The following GATM variants were observed in gnomAD, a reference collection of about 807,000 sequenced individuals.
GATM encodes glycine amidinotransferase.
Under a neutral mutation model 54.2 loss-of-function variants are expected in GATM, and 23 were observed. That is an observed-to-expected ratio of 0.42 (90% CI 0.31 to 0.60). GATM has a LOEUF of 0.60. GATM is among the 20% of genes least tolerant of loss of function. The probability of loss-of-function intolerance (pLI) is 0.14; values close to 1 mark genes in which losing one functional copy is unlikely to be tolerated. For synonymous variants in GATM, 168 were observed against 183.1 expected, an observed-to-expected ratio of 0.92 and a Z score of 0.67; for missense variants, 401 against 544.9, an observed-to-expected ratio of 0.74 and a Z score of 2.63.
At position 45,369,418 on chromosome 15, in the gene GATM, C is replaced by T; in HGVS notation, c.392G>A (p.Cys131Tyr). ...KKAVAEIEEM[C>Y]NILKTEGVTV... ...CACTCCTTCCGTTTTTAAAATATTG[C>T]ACATTTCTTCAATTTCAGCAACAGC... is the stretch of plus-strand genomic sequence containing the variant. The change falls in exon 3 of 9, where the codon TGC (cysteine) becomes TAC (tyrosine). Residue 131 changes from cysteine (C) to tyrosine (Y), a missense_variant. By Grantham distance (194) the Cys-to-Tyr change is radical. Around this residue, in one of 3 missense-constraint regions of GATM, gnomAD observed 321 missense variants for 457.5 expected, o/e 0.70. Coordinates refer to ENST00000396659, the MANE Select transcript of GATM (RefSeq NM_001482.3). 1 of 1,614,076 alleles carries T rather than the reference C, an allele frequency of 6.2e-7. No individual in the cohort carries two copies. The highest frequency in any genetic ancestry group is 8.5e-7 in the Non-Finnish European group (1 of 1,179,964).
Position 45,361,279 on chromosome 15 carries a change from C to T in GATM, c.*830G>A, listed in dbSNP as rs1889358487. 6.6e-6 allele frequency: 1 copy of T among 152,028 alleles called. No individual in the cohort carries two copies. The highest frequency in any genetic ancestry group is 2.4e-5 in the African/African-American group (1 of 41,386). 9.4% of individuals were successfully genotyped at this position (152,028 alleles called of 1,614,324 possible). A position where few individuals can be genotyped will look rare whatever the true frequency, so the allele number is the denominator to read the frequency against. On this transcript the variant is annotated 3_prime_UTR_variant, in exon 9 of 9. Coordinates refer to ENST00000396659, the MANE Select transcript of GATM (RefSeq NM_001482.3). ...ATAATTTGCACATTTGTAAACAAAT[C>T]TTAGATGACCAAAGATGCAGTGTAT... is the stretch of plus-strand genomic sequence containing the variant.
At chr15:45,362,954 T>C (rs973380474) in intron 8 of GATM, among the ~76,000 whole-genome samples, 4 of 152,156 alleles carry the variant, frequency 2.6e-5, no homozygotes, top group South Asian at 4.1e-4. Context: ...TCCATTGGTA[T>C]AGCCAGGGAG....
Position 45,368,407 on chromosome 15 carries a change from A to G in GATM, c.485-147T>C. On this transcript the variant is annotated intron_variant, in intron 3 of 8. Coordinates refer to ENST00000396659, the MANE Select transcript of GATM (RefSeq NM_001482.3). The surrounding 1 kb of genome is among the most constrained non-coding windows in gnomAD (Gnocchi z 5.1). ...CGGGCGGATCACTTGATCCTCTTCA[A>G]GAGCAGCCTGGCCAACATGGTCAAG... 4 of 709,378 alleles carry G rather than the reference A, an allele frequency of 5.6e-6. No homozygotes were observed. In the Admixed American group the frequency reaches 8.4e-5, roughly 15 times the overall value. The allele number at this position is 709,378 out of a possible 1,614,324, so 43.9% of individuals were successfully genotyped here. A position where few individuals can be genotyped will look rare whatever the true frequency, so the allele number is the denominator to read the frequency against.
intron 1 of GATM, chr15:45,401,813 G>A (rs1178790156): frequency 6.6e-6 from 1 of 152,356 alleles, no homozygotes; most frequent in East Asian, 1.9e-4. Flanking sequence ...GATTTTAAGC[G>A]CTACCGTGTG....
At chr15:45,391,046 C>A (rs1352889123) in intron 3 of GATM, among the ~76,000 whole-genome samples, 6 of 152,158 alleles carry the variant, frequency 3.9e-5, no homozygotes, top group Non-Finnish European at 7.4e-5. Flanking sequence ...CCTCAAGGTT[C>A]TGTTGAAGTC....
At chr15:45,376,502 G>A (rs1889638332) in intron 2 of GATM, 99 bp downstream of exon 2, 2 of 949,478 alleles carry the variant, frequency 2.1e-6, no homozygotes, top group African/African-American at 1.6e-5. Flanking sequence ...TCACTGGATT[G>A]AGAGGTCTGG....
upstream of GATM, chr15:45,378,771 C>G (rs925553854): frequency 1.5e-4 from 45 of 307,658 alleles, no homozygotes; most frequent in South Asian, 1.1e-3. Flanking sequence ...GACCCAGACC[C>G]GAGCGTCGCA....
intron 3 of GATM, among the ~76,000 whole-genome samples, chr15:45,386,194 C>CA (rs1227128324): frequency 2.0e-5 from 3 of 152,164 alleles, no homozygotes; most frequent in Non-Finnish European, 4.4e-5. Context: ...ATTGTATGTA[C>CA]AGTATTCTCT....
chr15:45,390,335 A>G (rs1889857378), intron 3 of GATM, among the ~76,000 whole-genome samples: 1 of 152,202 alleles, frequency 6.6e-6, no homozygotes, highest in Admixed American at 6.5e-5. Flanking sequence ...TTAGACATGG[A>G]TTGTTTTTTA....
chr15:45,363,187 G>A (rs902055875), intron 8 of GATM, among the ~76,000 whole-genome samples: 2 of 152,008 alleles, frequency 1.3e-5, no homozygotes, highest in Admixed American at 6.6e-5. Flanking sequence ...CAGGAGAATC[G>A]CTTGAACCCA....
chr15:45,395,285 TAA>T (rs1254478398), intron 3 of GATM, among the ~76,000 whole-genome samples: 1 of 152,178 alleles, frequency 6.6e-6, no homozygotes, highest in African/African-American at 2.4e-5. Context: ...TCTAAAGATC[TAA>T]GAGTTATTAT....
At chr15:45,385,132 C>T (rs534109172) in intron 3 of GATM, among the ~76,000 whole-genome samples, 1 of 152,322 alleles carries the variant, frequency 6.6e-6, no homozygotes, top group Non-Finnish European at 1.5e-5. Flanking sequence ...GAATCTCTAT[C>T]ATTATGTTAC....
At chr15:45,376,869 T>A (rs1396770143) in intron 1 of GATM, 50 bp from the exon 2 acceptor site, 11 of 1,505,906 alleles carry the variant, frequency 7.3e-6, no homozygotes, top group Non-Finnish European at 1.0e-5. Flanking sequence ...CTATCAGTAC[T>A]TACAGAGAGG....
intron 1 of GATM, 138 bp downstream of exon 1, chr15:45,378,246 AG>A (rs1889674732): frequency 1.7e-6 from 1 of 602,804 alleles, no homozygotes; most frequent in Non-Finnish European, 2.8e-6. Flanking sequence ...GGATACCAGA[AG>A]GGACACTCTC....
At chr15:45,379,329 A>G (rs1889700974), upstream of GATM, 3 of 152,248 alleles carry the variant, frequency 2.0e-5, no homozygotes. Context: ...ACTCAGGTTA[A>G]CATTTATGCT....
At chr15:45,388,092 C>T (rs1479412254) in intron 3 of GATM, among the ~76,000 whole-genome samples, 1 of 152,142 alleles carries the variant, frequency 6.6e-6, no homozygotes. Context: ...AAGTGCTCCT[C>T]CTGCCTCAGT....
intron 8 of GATM, among the ~76,000 whole-genome samples, chr15:45,363,273 C>T (rs1441316597): frequency 6.6e-6 from 1 of 152,028 alleles, no homozygotes; most frequent in Non-Finnish European, 1.5e-5. Context: ...TCTCAAAATA[C>T]ACACACACAC....
At chr15:45,364,901 A>G (rs370622916) in intron 6 of GATM, 41 bp from the exon 7 acceptor site, 83 of 1,493,372 alleles carry the variant, frequency 5.6e-5, no homozygotes, top group African/African-American at 8.3e-5. Flanking sequence ...TTAAATCTAC[A>G]TATACTATTA....
Position 45,399,099 on chromosome 15 carries a change from G to A in GATM, c.-480+447C>T, listed in dbSNP as rs1464037614. 2.0e-5 allele frequency among the ~76,000 whole-genome samples: 3 copies of A among 152,072 alleles called. No homozygotes were observed. The East Asian group carries it at 5.8e-4, about 29-fold the overall frequency. On this transcript the variant is annotated intron_variant, in intron 2 of 4. Coordinates refer to the GATM transcript ENST00000561148. ...ACCTTTTCGGGAAAATCTCACAAAA[G>A]ATTTTGTTTGGCAAAGCTATTTGAA...
Sources: gnomAD v4.1 joint callset for allele counts (sites outside exome capture counted in the v4.1 genomes callset) on GRCh38, gnomAD v4.1.1 for gene constraint, gnomAD v4.1.1 regional missense constraint, Gnocchi (gnomAD v3.1) non-coding constraint, MANE v1.5 for transcripts, NCBI Gene and HGNC (gene_info 2026-07-23, HGNC 2026-07-21) for gene names.